The following DOCK4 variants were observed in gnomAD, a reference collection of about 807,000 sequenced individuals.
DOCK4 encodes dedicator of cytokinesis protein 4.
In DOCK4, 97 loss-of-function variants were observed where a neutral mutation model predicts 268.1. That is an observed-to-expected ratio of 0.36 (90% CI 0.31 to 0.43). DOCK4 has a LOEUF of 0.43. DOCK4 is among the 20% of genes least tolerant of loss of function. The probability of loss-of-function intolerance (pLI) is 1.00; values close to 1 mark genes in which losing one functional copy is unlikely to be tolerated. For synonymous variants in DOCK4, 954 were observed against 887.2 expected, an observed-to-expected ratio of 1.08 and a Z score of -1.34; for missense variants, 2,145 against 2,455.7, an observed-to-expected ratio of 0.87 and a Z score of 2.67.
In DOCK4 at chr7:111,813,101, C is replaced by T. The variant is rs1401584540; in HGVS notation, c.2931-1152G>A. Among the ~76,000 whole-genome samples the T allele has an allele frequency of 3.3e-5, 5 of 152,174 alleles. No individual in the cohort carries two copies. In the South Asian group the frequency reaches 1.0e-3, roughly 32 times the overall value. On this transcript the variant is annotated intron_variant, in intron 27 of 52. Transcript: ENST00000428084. ...TTATACTAAAGCAAGATTAGCCACC[C>T]CTTGAGCTACTATAAACTGAGGATC...
At chr7:112,029,283 C>G (rs780922041) in intron 1 of DOCK4, among the ~76,000 whole-genome samples, 5 of 152,154 alleles carry the variant, frequency 3.3e-5, no homozygotes, top group Non-Finnish European at 5.9e-5. Flanking sequence ...GAATGCACAT[C>G]CACTCTTCAC....
chr7:111,760,384 A>G, intron 39 of DOCK4, 62 bp from the exon 40 acceptor site: 1 of 1,534,722 alleles, frequency 6.5e-7, no homozygotes, highest in South Asian at 1.2e-5. Context: ...AGACAGAGCC[A>G]AAAAACATGA....
intron 1 of DOCK4, among the ~76,000 whole-genome samples, chr7:112,145,699 A>G (rs1385424530): frequency 6.6e-6 from 1 of 152,134 alleles, no homozygotes; most frequent in Admixed American, 6.5e-5. Flanking sequence ...GCATTCCACT[A>G]GACATACATG....
intron 1 of DOCK4, among the ~76,000 whole-genome samples, chr7:112,121,088 T>C (rs1301672453): frequency 2.0e-5 from 3 of 152,202 alleles, no homozygotes; most frequent in Admixed American, 6.5e-5. Context: ...ACCTACTATA[T>C]GCCAGACACA....
chr7:111,972,274 G>A (rs1369980065), intron 8 of DOCK4, among the ~76,000 whole-genome samples: 1 of 152,032 alleles, frequency 6.6e-6, no homozygotes, highest in Non-Finnish European at 1.5e-5. Flanking sequence ...TGCTGGTGGT[G>A]TGGTTCAGAG....
Position 111,739,524 on chromosome 7 carries a change from C to A in DOCK4, c.5041-47G>T, listed in dbSNP as rs756470672. 87 of 1,491,610 alleles carry A rather than the reference C, an allele frequency of 5.8e-5. 5 individuals carry two copies. In the Middle Eastern group the frequency reaches 6.8e-3, roughly 117 times the overall value. 92.4% of individuals were successfully genotyped at this position (1,491,610 alleles called of 1,614,324 possible). ...TTATCATACCCTGATTAAAGGCTTC[C>A]CACGACACTGACGTATTTGAAACAA... On this transcript the variant is annotated intron_variant, in intron 47 of 52. Transcript: ENST00000428084.
intron 7 of DOCK4, among the ~76,000 whole-genome samples, chr7:111,981,060 A>G (rs542131130): frequency 3.9e-5 from 6 of 152,358 alleles, no homozygotes; most frequent in African/African-American, 1.4e-4. Context: ...TCAAGAAACT[A>G]AAGTGAGACT....
At chr7:111,890,739 G>A (rs1327991627) in intron 16 of DOCK4, among the ~76,000 whole-genome samples, 6 of 152,124 alleles carry the variant, frequency 3.9e-5, no homozygotes, top group Non-Finnish European at 8.8e-5. Context: ...GCTACAAAGG[G>A]AAACTACCTC....
At chr7:112,075,557 C>T (rs1807986440) in intron 1 of DOCK4, among the ~76,000 whole-genome samples, 1 of 152,178 alleles carries the variant, frequency 6.6e-6, no homozygotes, top group African/African-American at 2.4e-5. Context: ...TACTGTATAG[C>T]TAAATACAAC....
At position 111,870,698 on chromosome 7, in the gene DOCK4, G is replaced by A. The variant is rs555666275; in HGVS notation, c.2028-1043C>T. On this transcript the variant is annotated intron_variant, in intron 20 of 52. Coordinates refer to ENST00000428084, the MANE Select transcript of DOCK4 (RefSeq NM_001363540.2). ...GGGAGAATACTTGGATGTGCCAGTA[G>A]GTAGATGTTGGTGGAGTGCTATTTT... 1.2e-4 allele frequency among the ~76,000 whole-genome samples: 18 copies of A among 152,286 alleles called. 1 individual carries two copies. In the South Asian group the frequency reaches 3.5e-3, roughly 30 times the overall value.
At chr7:111,905,452 A>G (rs760210901) in intron 13 of DOCK4, among the ~76,000 whole-genome samples, 1 of 152,204 alleles carries the variant, frequency 6.6e-6, no homozygotes, top group Non-Finnish European at 1.5e-5. Flanking sequence ...CAAGATAAAG[A>G]TAAGGTCACA....
chr7:112,035,706 T>C (rs1312329282), intron 1 of DOCK4, among the ~76,000 whole-genome samples: 1 of 151,930 alleles, frequency 6.6e-6, no homozygotes, highest in African/African-American at 2.4e-5. Flanking sequence ...TAAACAAACA[T>C]AAAGATGATT....
In DOCK4 at chr7:111,741,667, G is replaced by A. The variant is rs1795926556; in HGVS notation, c.4798-6C>T. On this transcript the variant is annotated splice_region_variant and splice_polypyrimidine_tract_variant and intron_variant, in intron 45 of 52. Transcript: ENST00000428084. ...TGCATACAAGCAGAGAACTCCTAAA[G>A]ATGTAGTAAAGGAAATATCTCATTA... The A allele has an allele frequency of 6.2e-7, 1 of 1,611,708 alleles. No homozygotes were observed. The highest frequency in any genetic ancestry group is 8.5e-7 in the Non-Finnish European group (1 of 1,179,228).
chr7:111,810,734 T>C (rs1438028892), intron 28 of DOCK4, among the ~76,000 whole-genome samples: 2 of 152,120 alleles, frequency 1.3e-5, no homozygotes, highest in African/African-American at 2.4e-5. Flanking sequence ...CGGTGACTCA[T>C]GCCTGTAATC....
rs1411133056 is a variant in DOCK4, at chr7:111,742,038, A to T, written c.4772T>A (p.Val1591Glu). 1 of 1,606,250 alleles carries T rather than the reference A, an allele frequency of 6.2e-7. No individual in the cohort carries two copies. Among genetic ancestry groups the T allele is most frequent in the Non-Finnish European group, 8.5e-7 (1 of 1,176,712 alleles). ...LHKKLVDQFF[V>E]MKSSLGIQEF... The stretch of plus-strand genomic sequence containing the variant: ...CTGTATCCCTAAGCTCGACTTCATC[A>T]CAAAGAATTGGTCAACCAGCTTTTT... Residue 1591 changes from valine to glutamate, a missense_variant, in exon 45 of 53, where the codon GTG becomes GAG. By Grantham distance (121) the Val-to-Glu change is moderately radical. Coordinates refer to ENST00000428084, the MANE Select transcript of DOCK4 (RefSeq NM_001363540.2).
chr7:112,083,820 G>A (rs746523917), intron 1 of DOCK4, among the ~76,000 whole-genome samples: 3 of 152,062 alleles, frequency 2.0e-5, no homozygotes, highest in Non-Finnish European at 2.9e-5. Flanking sequence ...AGTTTAGTAC[G>A]GTAAATTAGA....
chr7:112,057,408 G>A (rs1018475541), intron 1 of DOCK4, among the ~76,000 whole-genome samples: 1 of 151,938 alleles, frequency 6.6e-6, no homozygotes, highest in Non-Finnish European at 1.5e-5. Context: ...AAAAATTAGC[G>A]AGGCATTTGG....
chr7:111,799,932 T>A (rs1407543962), intron 30 of DOCK4, among the ~76,000 whole-genome samples: 1 of 152,194 alleles, frequency 6.6e-6, no homozygotes, highest in Non-Finnish European at 1.5e-5. Flanking sequence ...CTATACACTG[T>A]GTCACCCACA....
chr7:112,112,176 G>C (rs1229521892), intron 1 of DOCK4, among the ~76,000 whole-genome samples: 1 of 152,152 alleles, frequency 6.6e-6, no homozygotes, highest in Non-Finnish European at 1.5e-5. Context: ...GGTCATGGCG[G>C]CAGATCCTTC....
Sources: gnomAD v4.1 joint callset for allele counts (sites outside exome capture counted in the v4.1 genomes callset) on GRCh38, gnomAD v4.1.1 for gene constraint, MANE v1.5 for transcripts, NCBI Gene and HGNC (gene_info 2026-07-23, HGNC 2026-07-21) for gene names.